Variants in CELF2 observed in about 807,000 individuals in gnomAD.
CELF2 encodes the protein CUGBP Elav-like family member 2, also known as CUG triplet repeat RNA-binding protein 2.
In CELF2, 8 loss-of-function variants were observed where a neutral mutation model predicts 62.6. That is an observed-to-expected ratio of 0.13 (90% confidence interval 0.07 to 0.23). The LOEUF (loss-of-function observed/expected upper bound fraction) is 0.23. Ranked by LOEUF, CELF2 falls within the 10% of genes least tolerant of loss-of-function variation. The pLI, the probability that CELF2 is intolerant of heterozygous loss-of-function variation, is 1.00. For synonymous variants in CELF2, 258 were observed against 250.0 expected, an observed-to-expected ratio of 1.03 and a Z score of -0.30; for missense variants, 333 against 671.0, an observed-to-expected ratio of 0.50 and a Z score of 5.56.
At chr10:10,632,236 C>A in the CELF2 span, among the ~76,000 whole-genome samples, 15 of 152,280 alleles carry the variant, frequency 9.9e-5, no homozygotes, top group Admixed American at 7.8e-4. Context: ...AGTAAGGAAT[C>A]CCTCATAGAG....
At chr10:11,119,544 T>C (rs1191264234) in intron 1 of CELF2, among the ~76,000 whole-genome samples, 5 of 152,244 alleles carry the variant, frequency 3.3e-5, no homozygotes, top group African/African-American at 1.2e-4. Flanking sequence ...AATAAATGTG[T>C]CATTCAGAAA....
intron 1 of CELF2, among the ~76,000 whole-genome samples, chr10:11,080,459 C>T (rs1381866706): frequency 1.3e-5 from 2 of 152,188 alleles, no homozygotes; most frequent in African/African-American, 4.8e-5. Flanking sequence ...CAGGAACATA[C>T]AGTTTGCAGT....
rs572431811 is a variant in CELF2 at position 11,070,871 on chromosome 10, A to G, written c.74+52708A>G. Among the ~76,000 whole-genome samples, 4 of 152,342 alleles carry G rather than the reference A, an allele frequency of 2.6e-5. No homozygotes were observed. The South Asian group carries it at 8.3e-4, about 32-fold the overall frequency. ...AGAACAAAAGTTTTGGAATTTACCA[A>G]CATAGAGATACTTGGTAACCTTAGT... On this transcript the variant is annotated intron_variant, in intron 1 of 12. Coordinates refer to ENST00000633077, the MANE Select transcript of CELF2 (RefSeq NM_001326342.2).
chr10:11,060,395 G>A (rs2066438486), intron 1 of CELF2, among the ~76,000 whole-genome samples: 1 of 152,192 alleles, frequency 6.6e-6, no homozygotes, highest in Non-Finnish European at 1.5e-5. Flanking sequence ...TCTCTCATTA[G>A]AATGAAATCA....
chr10:10,919,961 CAG>C lies in CELF2; in HGVS notation c.57_58del. On this transcript the variant is annotated splice_acceptor_variant, in intron 1 of 13. Coordinates refer to the CELF2 transcript ENST00000636488. LOFTEE classifies it high-confidence loss of function. ...ACTTATCTTCTTTTTCTCCTTCCTGCAGAGAGACGGCCACAGAGTTAGCTGGG... is the reference window on the plus strand; with the variant it reads ...ACTTATCTTCTTTTTCTCCTTCCTGCAGAGACGGCCACAGAGTTAGCTGGG... The C allele has an allele frequency of 1.6e-6, 2 of 1,231,342 alleles. No homozygotes were observed. Among genetic ancestry groups the C allele is most frequent in the East Asian group, 3.2e-5 (1 of 31,698 alleles). 76.3% of individuals were successfully genotyped at this position (1,231,342 alleles called of 1,614,324 possible).
intron 8 of CELF2, among the ~76,000 whole-genome samples, chr10:11,276,947 G>A (rs768526137): frequency 6.6e-5 from 10 of 152,206 alleles, no homozygotes; most frequent in Non-Finnish European, 1.3e-4. Context: ...TATGTGCTCT[G>A]AGCCTCCCAA....
rs1455364885 is a variant in CELF2, at chr10:11,117,090, A to G, written c.75-48396A>G. On this transcript the variant is annotated intron_variant, in intron 1 of 12. Transcript: ENST00000633077. The surrounding 1 kb of genome is among the most constrained non-coding windows in gnomAD (Gnocchi z 4.1). ...TGGCTTCAGAATCCACACTCAAGCC[A>G]CTATGCTGTGCTGCTTCTGAGTAAT... Among the ~76,000 whole-genome samples the G allele has an allele frequency of 6.6e-6, 1 of 152,234 alleles. No individual in the cohort carries two copies. The highest frequency in any genetic ancestry group is 1.5e-5 in the Non-Finnish European group (1 of 68,036).
the CELF2 span, among the ~76,000 whole-genome samples, chr10:10,475,225 C>T: frequency 6.6e-6 from 1 of 152,000 alleles, no homozygotes; most frequent in Admixed American, 6.6e-5. Flanking sequence ...GCAGTTATTA[C>T]ATCCTCGCTC....
intron 1 of CELF2, among the ~76,000 whole-genome samples, chr10:11,121,257 G>A (rs993053614): frequency 6.6e-6 from 1 of 152,118 alleles, no homozygotes; most frequent in Non-Finnish European, 1.5e-5. Flanking sequence ...CTATCTTAGT[G>A]TTTTCAGAGG....
chr10:10,849,690 C>A (rs530454138), intron 1 of CELF2, among the ~76,000 whole-genome samples: 1 of 152,236 alleles, frequency 6.6e-6, no homozygotes, highest in South Asian at 2.1e-4. Flanking sequence ...ATGACACAAT[C>A]TGGCTCGCTC....
chr10:10,843,063 C>T lies in CELF2; in HGVS notation c.53+44246C>T, dbSNP rs2058785473. On this transcript the variant is annotated intron_variant, in intron 1 of 13. Coordinates refer to the CELF2 transcript ENST00000636488. Reference sequence around the variant, plus strand: ...AGTCAGTCCATTTCATCTAAGTAATCCAATTTGTAGTTATAGGGTTGTTCA... The same window carrying T: ...AGTCAGTCCATTTCATCTAAGTAATTCAATTTGTAGTTATAGGGTTGTTCA... 2.0e-5 allele frequency among the ~76,000 whole-genome samples: 3 copies of T among 152,002 alleles called. 1 individual carries two copies. The South Asian group carries it at 6.2e-4, about 32-fold the overall frequency.
At chr10:10,499,301 A>G in the CELF2 span, among the ~76,000 whole-genome samples, 1 of 152,132 alleles carries the variant, frequency 6.6e-6, no homozygotes, top group Non-Finnish European at 1.5e-5. Context: ...CCTGGCTTCA[A>G]GCGATTCTCC....
the CELF2 span, among the ~76,000 whole-genome samples, chr10:10,598,740 T>C: frequency 2.0e-5 from 3 of 148,400 alleles, no homozygotes; most frequent in Non-Finnish European, 4.5e-5. Context: ...TTTTTCTTTT[T>C]CTTTTTCTTT....
chr10:10,736,603 T>G, the CELF2 span, among the ~76,000 whole-genome samples: 1 of 152,086 alleles, frequency 6.6e-6, no homozygotes, highest in African/African-American at 2.4e-5. Flanking sequence ...ACTTGCTTGT[T>G]TGCTTGCTGG....
At chr10:10,498,769 A>C in the CELF2 span, among the ~76,000 whole-genome samples, 43 of 152,330 alleles carry the variant, frequency 2.8e-4, no homozygotes, top group South Asian at 3.1e-3. Flanking sequence ...TGCAGCAAAA[A>C]TTTGATTAAC....
At chr10:11,226,328 C>T (rs543085613) in intron 3 of CELF2, among the ~76,000 whole-genome samples, 1 of 152,382 alleles carries the variant, frequency 6.6e-6, no homozygotes, top group East Asian at 1.9e-4. Flanking sequence ...TGTCTGGACT[C>T]TAAGCCAAGG....
chr10:11,129,483 A>G (rs538529091), intron 1 of CELF2, among the ~76,000 whole-genome samples: 10 of 152,194 alleles, frequency 6.6e-5, no homozygotes, highest in Non-Finnish European at 1.3e-4. Flanking sequence ...CTCTGGTAGA[A>G]TTCAGCTGTG....
chr10:10,943,065 C>A (rs909640180), intron 2 of CELF2, among the ~76,000 whole-genome samples: 1 of 152,202 alleles, frequency 6.6e-6, no homozygotes. Context: ...ATGAAATGCA[C>A]CTGCTGCCTG....
intron 1 of CELF2, among the ~76,000 whole-genome samples, chr10:11,042,144 G>A (rs75168246): frequency 6.6e-6 from 1 of 152,282 alleles, no homozygotes; most frequent in East Asian, 1.9e-4. Flanking sequence ...ATTACCAAGA[G>A]GTTGGTTTTC....
Sources: allele counts gnomAD v4.1 joint callset (sites outside exome capture counted in the v4.1 genomes callset), GRCh38; gene constraint gnomAD v4.1.1; non-coding constraint Gnocchi (gnomAD v3.1); transcripts MANE v1.5; gene names NCBI Gene and HGNC (gene_info 2026-07-23, HGNC 2026-07-21).